Variants in CPQ observed in about 807,000 individuals in gnomAD.
CPQ encodes carboxypeptidase Q, also known as Ser-Met dipeptidase.
CPQ carries 37 observed loss-of-function variants against 45.7 expected under a neutral mutation model. The ratio of observed to expected loss-of-function variants is 0.81; its 90% CI spans 0.62 to 1.07. The LOEUF is 1.07. Ranked by LOEUF, CPQ falls within the 50% of genes least tolerant of loss-of-function variation. The probability of loss-of-function intolerance (pLI) is 0.00; values close to 1 mark genes in which losing one functional copy is unlikely to be tolerated. For synonymous variants in CPQ, 186 were observed against 205.8 expected, an observed-to-expected ratio of 0.90 and a Z score of 0.82; for missense variants, 537 against 572.9, an observed-to-expected ratio of 0.94 and a Z score of 0.64.
chr8:96,949,018 C>T (rs1336344857), intron 4 of CPQ, among the ~76,000 whole-genome samples: 1 of 152,068 alleles, frequency 6.6e-6, no homozygotes, highest in Non-Finnish European at 1.5e-5. Flanking sequence ...CACTTTCACC[C>T]TGTATGTCTC....
chr8:97,118,012 A>G (rs2130602372), intron 7 of CPQ, among the ~76,000 whole-genome samples: 1 of 152,338 alleles, frequency 6.6e-6, no homozygotes, highest in South Asian at 2.1e-4. Flanking sequence ...AGGCTGCATT[A>G]AAGAATAAAA....
chr8:96,785,267 G>A lies in CPQ; in HGVS notation c.370G>A (p.Glu124Lys), dbSNP rs760248141. The A allele has an allele frequency of 1.1e-5, 17 of 1,613,356 alleles. No homozygotes were observed. In the South Asian group the frequency reaches 1.9e-4, roughly 18 times the overall value. The change falls in exon 2 of 8, where the codon GAG becomes AAG. Residue 124 changes from glutamate to lysine, a missense_variant. Transcript: ENST00000220763. ...ERGEESAVML[E>K]PRIHKIAILG... ...GGGAGAAGAATCAGCTGTGATGCTG[G>A]AGCCAAGAATTCATAAGATAGCCAT...
intron 1 of CPQ, among the ~76,000 whole-genome samples, chr8:96,695,672 C>T (rs1809368163): frequency 6.6e-6 from 1 of 151,726 alleles, no homozygotes; most frequent in African/African-American, 2.4e-5. Flanking sequence ...TTTATGCAGC[C>T]AAAAAACACA....
chr8:96,998,464 T>A (rs2130420111), intron 5 of CPQ, among the ~76,000 whole-genome samples: 1 of 151,924 alleles, frequency 6.6e-6, no homozygotes, highest in South Asian at 2.1e-4. Flanking sequence ...ATATAAAAGA[T>A]TTTGTAATGC....
intron 4 of CPQ, among the ~76,000 whole-genome samples, chr8:96,909,761 G>A (rs553455128): frequency 2.0e-4 from 31 of 152,306 alleles, no homozygotes; most frequent in African/African-American, 7.5e-4. Context: ...CTGCCTGTCT[G>A]TGAATATATG....
chr8:96,788,227 C>T (rs570636080), intron 2 of CPQ, among the ~76,000 whole-genome samples: 13 of 151,044 alleles, frequency 8.6e-5, no homozygotes, highest in Non-Finnish European at 1.9e-4. Flanking sequence ...GGCACAATCT[C>T]AGCTCACTGC....
At chr8:96,869,067 T>C (rs1812032001) in intron 3 of CPQ, among the ~76,000 whole-genome samples, 1 of 152,024 alleles carries the variant, frequency 6.6e-6, no homozygotes, top group Non-Finnish European at 1.5e-5. Flanking sequence ...ACATTTCTAA[T>C]CTCTTTTAAA....
At chr8:96,844,025 G>A (rs1393748387) in intron 3 of CPQ, among the ~76,000 whole-genome samples, 3 of 152,026 alleles carry the variant, frequency 2.0e-5, no homozygotes, top group East Asian at 1.9e-4. Flanking sequence ...ATATATAAAC[G>A]TTAACCTTCT....
chr8:97,072,899 C>T (rs1432924421), intron 7 of CPQ, among the ~76,000 whole-genome samples: 1 of 152,132 alleles, frequency 6.6e-6, no homozygotes, highest in Non-Finnish European at 1.5e-5. Context: ...ATTCTCAGTG[C>T]CTACAAGTGC....
chr8:96,791,880 G>A (rs1810850751), intron 2 of CPQ, among the ~76,000 whole-genome samples: 1 of 152,086 alleles, frequency 6.6e-6, no homozygotes, highest in Non-Finnish European at 1.5e-5. Context: ...AGAGATGGTT[G>A]GAATGTTGAA....
chr8:96,966,031 CT>C lies in CPQ; in HGVS notation c.948del (p.Ile317LeufsTer36). ...CTTTATATCATGGGAAGCACTCTCA[CT>C]TATTAAAGATCTTGGTAAATATTTA... Reference protein sequence around the residue: ...GAFISWEALSLIKDLGLRPKR... With the variant: ...GAFISWEALSXIKDLGLRPKR... On this transcript the variant is annotated frameshift_variant, in exon 5 of 8. Transcript: ENST00000220763. LOFTEE classifies it high-confidence loss of function. 6.2e-7 allele frequency: 1 copy of C among 1,611,080 alleles called. No individual in the cohort carries two copies. The highest frequency in any genetic ancestry group is 8.5e-7 in the Non-Finnish European group (1 of 1,178,116).
At chr8:96,958,451 T>G (rs1813394383) in intron 4 of CPQ, among the ~76,000 whole-genome samples, 1 of 151,334 alleles carries the variant, frequency 6.6e-6, no homozygotes, top group Admixed American at 6.6e-5. Flanking sequence ...TTCTTCTACT[T>G]AAGATCATCT....
At chr8:97,137,347 C>T (rs1586558841) in intron 7 of CPQ, among the ~76,000 whole-genome samples, 3 of 152,292 alleles carry the variant, frequency 2.0e-5, no homozygotes, top group African/African-American at 7.2e-5. Flanking sequence ...CCCAAGTGTT[C>T]CAAGCTCTGT....
intron 7 of CPQ, among the ~76,000 whole-genome samples, chr8:97,094,847 C>T (rs1300627475): frequency 6.6e-6 from 1 of 152,072 alleles, no homozygotes; most frequent in Non-Finnish European, 1.5e-5. Context: ...TCACTCATTC[C>T]TCCTTCCAGT....
At chr8:97,045,214 G>A (rs35061601) in intron 6 of CPQ, among the ~76,000 whole-genome samples, 8,504 of 152,220 alleles carry the variant, frequency 0.056, 348 homozygotes, top group Non-Finnish European at 0.079. Context: ...CCCCAGCCTC[G>A]CTGCCGCCTT....
At chr8:96,897,907 G>C (rs984417500) in intron 4 of CPQ, among the ~76,000 whole-genome samples, 3 of 152,174 alleles carry the variant, frequency 2.0e-5, no homozygotes, top group Non-Finnish European at 4.4e-5. Context: ...CCATGCCGAA[G>C]AAGAGGAGGT....
At chr8:96,881,750 G>T (rs150628035) in intron 4 of CPQ, among the ~76,000 whole-genome samples, 215 of 152,302 alleles carry the variant, frequency 1.4e-3, no homozygotes, top group African/African-American at 4.8e-3. Context: ...CAAATAAAGG[G>T]ATGGTATGCA....
intron 1 of CPQ, among the ~76,000 whole-genome samples, chr8:96,705,795 T>C (rs1261581594): frequency 1.3e-5 from 2 of 152,274 alleles, no homozygotes; most frequent in South Asian, 2.1e-4. Flanking sequence ...TTCATAATTA[T>C]AGGCATTATT....
intron 1 of CPQ, among the ~76,000 whole-genome samples, chr8:96,783,885 T>A (rs1484312124): frequency 4.6e-5 from 7 of 152,180 alleles, no homozygotes. Flanking sequence ...TTACTCATAA[T>A]CTCTGTATTT....
Sources: gnomAD v4.1 joint callset for allele counts (sites outside exome capture counted in the v4.1 genomes callset) on GRCh38, gnomAD v4.1.1 for gene constraint, MANE v1.5 for transcripts, NCBI Gene and HGNC (gene_info 2026-07-23, HGNC 2026-07-21) for gene names.